MARCHF8: variants seen among roughly 807,000 people sequenced by gnomAD.
The protein encoded by MARCHF8 is membrane associated ring-CH-type finger 8.
In MARCHF8, 40 loss-of-function variants were observed where a neutral mutation model predicts 51.6. The ratio of observed to expected loss-of-function variants is 0.77; its 90% confidence interval spans 0.60 to 1.01. MARCHF8 has a LOEUF of 1.01. MARCHF8 is among the 50% of genes least tolerant of loss of function. The pLI is 0.00. For missense variants in MARCHF8, 685 were observed against 708.6 expected (o/e 0.97, Z 0.38); for synonymous variants, 263 against 280.3 (o/e 0.94, Z 0.62).
At chr10:45,529,965 T>C (rs189737976) in intron 2 of MARCHF8, among the ~76,000 whole-genome samples, 2 of 152,354 alleles carry the variant, frequency 1.3e-5, no homozygotes, top group East Asian at 1.9e-4. Context: ...GAAATCATTA[T>C]ATCAAAAAGA....
At chr10:45,459,018 G>T in intron 7 of MARCHF8, 102 bp downstream of exon 7, 1 of 1,487,872 alleles carries the variant, frequency 6.7e-7, no homozygotes, top group Non-Finnish European at 9.1e-7. Context: ...CCCTCCTCCG[G>T]AAACCCAGAC....
chr10:45,517,713 C>G (rs2043642699), intron 2 of MARCHF8, among the ~76,000 whole-genome samples: 1 of 152,204 alleles, frequency 6.6e-6, no homozygotes, highest in Non-Finnish European at 1.5e-5. Flanking sequence ...GACAGCCTAA[C>G]ATAAGGGCTT....
intron 1 of MARCHF8, among the ~76,000 whole-genome samples, chr10:45,555,830 T>A (rs1258503288): frequency 6.6e-6 from 1 of 152,148 alleles, no homozygotes; most frequent in African/African-American, 2.4e-5. Flanking sequence ...CTGGCCATTT[T>A]TGGAAATGCT....
chr10:45,471,548 T>C (rs1032999997), intron 3 of MARCHF8, among the ~76,000 whole-genome samples: 1 of 152,242 alleles, frequency 6.6e-6, no homozygotes, highest in African/African-American at 2.4e-5. Flanking sequence ...TTTAATACTG[T>C]TGATTTCCTT....
At chr10:45,493,832 T>C (rs906370621) in intron 2 of MARCHF8, among the ~76,000 whole-genome samples, 4 of 152,176 alleles carry the variant, frequency 2.6e-5, no homozygotes, top group African/African-American at 9.7e-5. Flanking sequence ...TGGAGGACAG[T>C]AGCTATTCAC....
At chr10:45,523,785 C>T (rs1381738624) in intron 2 of MARCHF8, among the ~76,000 whole-genome samples, 3 of 152,092 alleles carry the variant, frequency 2.0e-5, no homozygotes, top group Non-Finnish European at 2.9e-5. Context: ...CTTCACTTAC[C>T]GCACAACCAG....
In MARCHF8 at chr10:45,500,144, A is replaced by C. The variant is rs555468437; in HGVS notation, c.103-10727T>G. Among the ~76,000 whole-genome samples, 169 of 152,262 alleles carry C rather than the reference A, an allele frequency of 1.1e-3. 2 individuals are homozygous for C. Among genetic ancestry groups the C allele is most frequent in the Middle Eastern group, 0.01 (3 of 294 alleles). On this transcript the variant is annotated intron_variant, in intron 2 of 7. Transcript: ENST00000453424. ...AGTAGTTTTCTGTGTATAAGTCTTT[A>C]CCACTTTGGTTAAGTTTATTCCTAT...
At chr10:45,554,134 C>T (rs1023035572) in intron 1 of MARCHF8, among the ~76,000 whole-genome samples, 2 of 152,090 alleles carry the variant, frequency 1.3e-5, no homozygotes, top group Admixed American at 1.3e-4. Flanking sequence ...AGGAATCTAT[C>T]CTAAAAATGA....
At position 45,458,244 on chromosome 10, in the gene MARCHF8, C is replaced by T. The variant is rs138249794; in HGVS notation, c.1717G>A (p.Val573Ile). 45 of 1,608,100 alleles carry T rather than the reference C, an allele frequency of 2.8e-5. No homozygotes were observed. The highest frequency in any genetic ancestry group is 5.0e-5 in the Admixed American group (3 of 59,442). Residue 573 changes from valine (V) to isoleucine (I), a missense_variant, in exon 8 of 8, where the codon GTC becomes ATC. By Grantham distance (29) the Val-to-Ile change is conservative (BLOSUM62 3). Coordinates refer to ENST00000453424, the MANE Select transcript of MARCHF8 (RefSeq NM_001282866.2). The part of the protein sequence containing the change: ...PEDTGAEIIH[V>I] ...AAATGACAACCCGCACACAATCAGA[C>T]GTGAATGATTTCTGCTCCAGTGTCT...
intron 1 of MARCHF8, among the ~76,000 whole-genome samples, chr10:45,576,022 G>A (rs1360480287): frequency 6.6e-6 from 1 of 152,172 alleles, no homozygotes; most frequent in East Asian, 1.9e-4. Flanking sequence ...GCACCCAGGT[G>A]ATTAAAAAGC....
At chr10:45,536,836 A>AATAATAATAATAATAATC (rs2043977329), upstream of MARCHF8, among the ~76,000 whole-genome samples, 2 of 30,548 alleles carry the variant, frequency 6.5e-5, no homozygotes, top group South Asian at 1.8e-3. Context: ...TCTCTACCAA[A>AATAATAATAATAATAATC]ATAATAATAA....
At chr10:45,505,005 G>A (rs1321488560) in intron 2 of MARCHF8, among the ~76,000 whole-genome samples, 1 of 151,802 alleles carries the variant, frequency 6.6e-6, no homozygotes, top group Admixed American at 6.6e-5. Flanking sequence ...TGCTCATTTC[G>A]AGCTGTTAAT....
intron 1 of MARCHF8, among the ~76,000 whole-genome samples, chr10:45,546,175 T>C (rs1589166579): frequency 6.7e-6 from 1 of 150,316 alleles, no homozygotes; most frequent in East Asian, 1.9e-4. Flanking sequence ...TATTTATTTA[T>C]TTTGAGACAG....
intron 3 of MARCHF8, among the ~76,000 whole-genome samples, chr10:45,474,493 C>CT (rs1012795575): frequency 1.1e-4 from 17 of 151,806 alleles, no homozygotes; most frequent in African/African-American, 3.9e-4. Context: ...GAATACCCAT[C>CT]TGTCAGAGCT....
rs553652467 is a variant in MARCHF8 at position 45,463,643 on chromosome 10, T to G, written c.596A>C (p.His199Pro). ...DTCLRTNRFH[H>P]KEKRTLNHKP... ...GTGGTTCAGGGTTCTTTTTTCTTTA[T>G]GATGAAACCTGTTAGTTCTGAGACA... The change falls in exon 5 of 8, where the codon CAT becomes CCT. Residue 199 changes from histidine (H) to proline (P), a missense_variant. Physicochemically the swap from His to Pro is moderately conservative, Grantham distance 77. Coordinates refer to ENST00000453424, the MANE Select transcript of MARCHF8 (RefSeq NM_001282866.2). 43 of 1,550,730 alleles carry G rather than the reference T, an allele frequency of 2.8e-5. No homozygotes were observed. In the East Asian group the frequency reaches 8.1e-4, roughly 29 times the overall value.
At position 45,456,544 on chromosome 10, in the gene MARCHF8, C is replaced by T. The variant is rs1842610527; in HGVS notation, c.*1695G>A. 6.6e-6 allele frequency: 1 copy of T among 152,250 alleles called. No individual in the cohort carries two copies. Among genetic ancestry groups the T allele is most frequent in the African/African-American group, 2.4e-5 (1 of 41,446 alleles). The allele number at this position is 152,250 out of a possible 1,614,324, so 9.4% of individuals were successfully genotyped here. A position where few individuals can be genotyped will look rare whatever the true frequency, so the allele number is the denominator to read the frequency against. On this transcript the variant is annotated 3_prime_UTR_variant, in exon 8 of 8. Transcript: ENST00000453424. The stretch of plus-strand genomic sequence containing the variant: ...CAAAACAAACTCCAGGGCTTCCACT[C>T]TGAAAGGCAAAGGAATCACCTCGTG...
At chr10:45,497,570 AT>A (rs1374827535) in intron 2 of MARCHF8, among the ~76,000 whole-genome samples, 1 of 152,218 alleles carries the variant, frequency 6.6e-6, no homozygotes, top group Non-Finnish European at 1.5e-5. Flanking sequence ...ATACAGTATG[AT>A]TCTGGCTACA....
intron 1 of MARCHF8, among the ~76,000 whole-genome samples, chr10:45,572,107 TTA>T (rs2044435898): frequency 8.5e-6 from 1 of 117,054 alleles, no homozygotes; most frequent in Non-Finnish European, 1.8e-5. Flanking sequence ...CAAGCACCCC[TTA>T]CCCCTTCTCT....
At chr10:45,510,700 C>A (rs2133191729) in intron 2 of MARCHF8, among the ~76,000 whole-genome samples, 1 of 152,094 alleles carries the variant, frequency 6.6e-6, no homozygotes, top group Admixed American at 6.5e-5. Flanking sequence ...TTTTTTAAAC[C>A]TCATTGTGGC....
Sources: gnomAD v4.1 joint callset for allele counts (sites outside exome capture counted in the v4.1 genomes callset) on GRCh38, gnomAD v4.1.1 for gene constraint, MANE v1.5 for transcripts, NCBI Gene and HGNC (gene_info 2026-07-23, HGNC 2026-07-21) for gene names.